PRKN: variants seen among roughly 807,000 people sequenced by gnomAD.
PRKN encodes the protein E3 ubiquitin-protein ligase parkin.
Under a neutral mutation model 59.5 loss-of-function variants are expected in PRKN, and 56 were observed. That is an observed-to-expected ratio of 0.94 (90% CI 0.76 to 1.18). The LOEUF is 1.18. Among genes scored for constraint, PRKN ranks in the 50% most tolerant of loss-of-function variants. The pLI is 0.00. For synonymous variants in PRKN, 250 were observed against 222.1 expected (o/e 1.13, Z -1.12); for missense variants, 657 against 596.4 (o/e 1.10, Z -1.06).
rs1362923763 is a variant in PRKN, at chr6:161,371,188, T to A, written c.1168-10983A>T. Among the ~76,000 whole-genome samples, 1 of 151,932 alleles carries A rather than the reference T, an allele frequency of 6.6e-6. No homozygotes were observed. The highest frequency in any genetic ancestry group is 1.5e-5 in the Non-Finnish European group (1 of 67,992). On this transcript the variant is annotated intron_variant, in intron 10 of 11. Transcript: ENST00000366898. The surrounding 1 kb of genome is among the most constrained non-coding windows in gnomAD (Gnocchi z 5.5). ...TTTTGTTATTTTTTTTTTTGAGACG[T>A]TGTTTCGCTCCTGTTGCCCAGGCTG...
At position 162,014,566 on chromosome 6, in the gene PRKN, C is replaced by G. The variant is rs561348587; in HGVS notation, c.618+39525G>C. On this transcript the variant is annotated intron_variant, in intron 5 of 11. Transcript: ENST00000366898. ...CATGTCCGCACGGATCCACCTGACCCTTGACCAGTGCACCATTCCATGGAG... is the reference window on the plus strand; with the variant it reads ...CATGTCCGCACGGATCCACCTGACCGTTGACCAGTGCACCATTCCATGGAG... 2.0e-5 allele frequency among the ~76,000 whole-genome samples: 3 copies of G among 152,304 alleles called. No homozygotes were observed. In the South Asian group the frequency reaches 6.2e-4, roughly 32 times the overall value.
chr6:161,841,632 G>C (rs527591725), intron 6 of PRKN, among the ~76,000 whole-genome samples: 8 of 152,226 alleles, frequency 5.3e-5, no homozygotes, highest in African/African-American at 1.4e-4. Context: ...TTACAGATGT[G>C]AGCCACCACG....
intron 9 of PRKN, among the ~76,000 whole-genome samples, chr6:161,433,771 C>T (rs546784968): frequency 5.7e-4 from 87 of 152,070 alleles, no homozygotes; most frequent in South Asian, 1.2e-3. Context: ...AATCCCAGCA[C>T]TTTGGGAGGC....
chr6:161,889,296 A>G (rs1034197257), intron 6 of PRKN, among the ~76,000 whole-genome samples: 19 of 152,250 alleles, frequency 1.2e-4, no homozygotes, highest in African/African-American at 4.6e-4. Flanking sequence ...TGATCACACA[A>G]ACACTGTATA....
At chr6:161,589,814 C>G (rs1444910719) in intron 7 of PRKN, among the ~76,000 whole-genome samples, 1 of 140,298 alleles carries the variant, frequency 7.1e-6, no homozygotes. Context: ...GGGTCTTGCT[C>G]TGTCACCCAG....
At chr6:161,855,082 C>CAAAAAAAAAAAAAAAAAAAAAAA (rs1203185737) in intron 6 of PRKN, among the ~76,000 whole-genome samples, 1 of 45,642 alleles carries the variant, frequency 2.2e-5, no homozygotes, top group Non-Finnish European at 4.6e-5. Context: ...GACTTCATCT[C>CAAAAAAAAAAAAAAAAAAAAAAA]AAAAAAAAAA....
chr6:162,243,315 A>G (rs568686790), intron 3 of PRKN, among the ~76,000 whole-genome samples: 98 of 152,292 alleles, frequency 6.4e-4, no homozygotes, highest in African/African-American at 1.9e-3. Flanking sequence ...TCCAAGGGTT[A>G]ATAAGAAGCC....
At chr6:161,740,203 T>A (rs1696106984) in intron 7 of PRKN, among the ~76,000 whole-genome samples, 1 of 152,250 alleles carries the variant, frequency 6.6e-6, no homozygotes, top group Non-Finnish European at 1.5e-5. Flanking sequence ...TTCCTTTAAG[T>A]GCTTTTGAAA....
intron 1 of PRKN, among the ~76,000 whole-genome samples, chr6:162,544,957 G>C (rs1307150030): frequency 6.7e-6 from 1 of 150,366 alleles, no homozygotes; most frequent in African/African-American, 2.4e-5. Context: ...GATTACAGGT[G>C]TGAGCCACCG....
At position 161,459,602 on chromosome 6, in the gene PRKN, T is replaced by C. The variant is rs1790115692; in HGVS notation, c.1084-72725A>G. Among the ~76,000 whole-genome samples the C allele has an allele frequency of 6.6e-6, 1 of 152,190 alleles. No individual in the cohort carries two copies. Among genetic ancestry groups the C allele is most frequent in the South Asian group, 2.1e-4 (1 of 4,828 alleles). ...GGCCTTCCTGATGCCCCAGCTTCTC[T>C]GAGATCCATCCTGCTGTCAGCCCTA... On this transcript the variant is annotated intron_variant, in intron 9 of 11. Coordinates refer to ENST00000366898, the MANE Select transcript of PRKN (RefSeq NM_004562.3). The surrounding 1 kb of genome is among the most constrained non-coding windows in gnomAD (Gnocchi z 4.8).
rs549168138 is a variant in PRKN, at chr6:162,101,540, C to T, written c.535-47366G>A. Among the ~76,000 whole-genome samples, 34 of 151,684 alleles carry T rather than the reference C, an allele frequency of 2.2e-4. No individual in the cohort carries two copies. In the Middle Eastern group the frequency reaches 0.014, roughly 61 times the overall value. ...TACAAAAATTAGCCGGGCGTGGTGGCGGGCGCCTGCAGTCCCAGCTACTTG... is the reference window on the plus strand; with the variant it reads ...TACAAAAATTAGCCGGGCGTGGTGGTGGGCGCCTGCAGTCCCAGCTACTTG... On this transcript the variant is annotated intron_variant, in intron 4 of 11. Coordinates refer to ENST00000366898, the MANE Select transcript of PRKN (RefSeq NM_004562.3).
At chr6:162,631,686 T>G (rs1174181829) in intron 1 of PRKN, among the ~76,000 whole-genome samples, 1 of 152,146 alleles carries the variant, frequency 6.6e-6, no homozygotes, top group Non-Finnish European at 1.5e-5. Context: ...GCAAGCTCAG[T>G]AGTTTAATTC....
rs1270027394 is a variant in PRKN at position 161,552,800 on chromosome 6, GTT to G, written c.934-3799_934-3798del. Among the ~76,000 whole-genome samples, 42 of 139,806 alleles carry G rather than the reference GTT, an allele frequency of 3.0e-4. No homozygotes were observed. Among genetic ancestry groups the G allele is most frequent in the African/African-American group, 1.1e-3 (41 of 38,258 alleles). The allele number at this position is 139,806 out of a possible 152,430, so 91.7% of individuals were successfully genotyped here. ...GGTTTTGTTGTTGTTTTTGTTTTTTGTTTTTTTTTTTTAGACGGAGTCTCGTT... is the reference window on the plus strand; with the variant it reads ...GGTTTTGTTGTTGTTTTTGTTTTTTGTTTTTTTTTTAGACGGAGTCTCGTT... On this transcript the variant is annotated intron_variant, in intron 8 of 11. Transcript: ENST00000366898. The surrounding 1 kb of genome is among the most constrained non-coding windows in gnomAD (Gnocchi z 4.9).
In PRKN at chr6:161,712,686, C is replaced by CTT. The variant is rs371577050; in HGVS notation, c.871+73084_871+73085dup. ...CAGATGAACTCTACTCTCTTTTTCA[C>CTT]TTGATAGGACTCAAATATCTAAAAA... On this transcript the variant is annotated intron_variant, in intron 7 of 11. Coordinates refer to ENST00000366898, the MANE Select transcript of PRKN (RefSeq NM_004562.3). 4.0e-3 allele frequency among the ~76,000 whole-genome samples: 613 copies of CTT among 152,244 alleles called. 3 individuals are homozygous for CTT. Among genetic ancestry groups the CTT allele is most frequent in the African/African-American group, 0.013 (548 of 41,546 alleles).
chr6:162,222,185 T>C (rs1248909079), intron 3 of PRKN, among the ~76,000 whole-genome samples: 1 of 152,116 alleles, frequency 6.6e-6, no homozygotes, highest in African/African-American at 2.4e-5. Context: ...CCTCTCGCCT[T>C]GAGTGCAGGT....
chr6:162,124,450 G>C (rs1167848733), intron 4 of PRKN, among the ~76,000 whole-genome samples: 3 of 152,160 alleles, frequency 2.0e-5, no homozygotes, highest in Non-Finnish European at 4.4e-5. Flanking sequence ...AAGTTGTAAA[G>C]AGCCTAAGCC....
rs917350985 is a variant in PRKN at position 162,634,006 on chromosome 6, G to C, written c.7+93656C>G. Among the ~76,000 whole-genome samples, 19 of 152,140 alleles carry C rather than the reference G, an allele frequency of 1.2e-4. No homozygotes were observed. In the East Asian group the frequency reaches 3.3e-3, roughly 26 times the overall value. On this transcript the variant is annotated intron_variant, in intron 1 of 11. Coordinates refer to ENST00000366898, the MANE Select transcript of PRKN (RefSeq NM_004562.3). The stretch of plus-strand genomic sequence containing the variant: ...TAAGTACATGAAAAATATACCACAC[G>C]GTCTTGTGTCAACAAAACTAACCAG...
chr6:161,915,681 G>A (rs972226791), intron 6 of PRKN, among the ~76,000 whole-genome samples: 5 of 152,120 alleles, frequency 3.3e-5, no homozygotes, highest in Non-Finnish European at 5.9e-5. Flanking sequence ...TCAGTTTGTG[G>A]ATCTAAGCAG....
At chr6:161,701,889 CG>C (rs1459094015) in intron 7 of PRKN, among the ~76,000 whole-genome samples, 2 of 152,102 alleles carry the variant, frequency 1.3e-5, no homozygotes, top group Non-Finnish European at 2.9e-5. Context: ...ATTTGAATGG[CG>C]GGCATCCAGA....
Sources: gnomAD v4.1 joint callset for allele counts (sites outside exome capture counted in the v4.1 genomes callset) on GRCh38, gnomAD v4.1.1 for gene constraint, Gnocchi (gnomAD v3.1) non-coding constraint, MANE v1.5 for transcripts, NCBI Gene and HGNC (gene_info 2026-07-23, HGNC 2026-07-21) for gene names.